DOCK3: variants seen among roughly 807,000 people sequenced by gnomAD.
DOCK3 encodes dedicator of cytokinesis protein 3.
Under a neutral mutation model 265.6 loss-of-function variants are expected in DOCK3, and 60 were observed. The ratio of observed to expected loss-of-function variants is 0.23; its 90% CI spans 0.18 to 0.28. The LOEUF is 0.28. Among genes scored for constraint, DOCK3 ranks in the 10% least tolerant of loss-of-function variants. The pLI is 1.00. For synonymous variants in DOCK3, 881 were observed against 938.0 expected, an observed-to-expected ratio of 0.94 and a Z score of 1.11; for missense variants, 1,981 against 2,594.3, an observed-to-expected ratio of 0.76 and a Z score of 5.14.
intron 5 of DOCK3, among the ~76,000 whole-genome samples, chr3:51,033,385 C>T (rs937137746): frequency 1.3e-5 from 2 of 152,218 alleles, no homozygotes; most frequent in South Asian, 4.1e-4. Context: ...TTTAGTCTTA[C>T]TTGGTCCCCT....
chr3:50,995,725 A>G (rs1297450412), intron 5 of DOCK3, among the ~76,000 whole-genome samples: 1 of 152,200 alleles, frequency 6.6e-6, no homozygotes, highest in Non-Finnish European at 1.5e-5. Flanking sequence ...AATTACATCT[A>G]TAAGATTGAA....
In DOCK3 at chr3:51,374,717, G is replaced by A; in HGVS notation, c.5412+130G>A. Reference sequence around the variant, plus strand: ...ATTCCGCTGTAAGATCCCGCAAAAGGCCGCTGGGCTTCTGGATGTGGAGTG... The same window carrying A: ...ATTCCGCTGTAAGATCCCGCAAAAGACCGCTGGGCTTCTGGATGTGGAGTG... On this transcript the variant is annotated intron_variant, in intron 50 of 52. Transcript: ENST00000266037. The surrounding 1 kb of genome is among the most constrained non-coding windows in gnomAD (Gnocchi z 4.8). 3 of 880,950 alleles carry A rather than the reference G, an allele frequency of 3.4e-6. No individual in the cohort carries two copies. The highest frequency in any genetic ancestry group is 5.3e-6 in the Non-Finnish European group (3 of 566,470). 54.6% of individuals were successfully genotyped at this position (880,950 alleles called of 1,614,324 possible). A position where few individuals can be genotyped will look rare whatever the true frequency, so the allele number is the denominator to read the frequency against.
intron 5 of DOCK3, among the ~76,000 whole-genome samples, chr3:50,963,033 A>G (rs1233063635): frequency 6.6e-6 from 1 of 152,102 alleles, no homozygotes; most frequent in Non-Finnish European, 1.5e-5. Flanking sequence ...CTAAATATAA[A>G]AATTAGCCGG....
At chr3:50,801,505 A>T (rs1446841040) in intron 2 of DOCK3, among the ~76,000 whole-genome samples, 1 of 152,194 alleles carries the variant, frequency 6.6e-6, no homozygotes, top group Non-Finnish European at 1.5e-5. Flanking sequence ...GTTAAGTTTA[A>T]AAGTAGAAGG....
At chr3:51,210,484 AC>A (rs965835482) in intron 13 of DOCK3, among the ~76,000 whole-genome samples, 1 of 152,052 alleles carries the variant, frequency 6.6e-6, no homozygotes, top group Non-Finnish European at 1.5e-5. Context: ...ACCTGTTTCA[AC>A]CCCCTCGTTA....
At chr3:51,046,078 A>G (rs1418290060) in intron 5 of DOCK3, among the ~76,000 whole-genome samples, 1 of 152,118 alleles carries the variant, frequency 6.6e-6, no homozygotes, top group African/African-American at 2.4e-5. Flanking sequence ...AACCACAAAG[A>G]AAAAAACCTG....
intron 5 of DOCK3, among the ~76,000 whole-genome samples, chr3:50,979,885 G>T (rs968883397): frequency 6.6e-6 from 1 of 152,106 alleles, no homozygotes; most frequent in African/African-American, 2.4e-5. Flanking sequence ...TATATGTAAG[G>T]TTATGTCATC....
Position 51,082,301 on chromosome 3 carries a change from G to A in DOCK3, c.549+6861G>A, listed in dbSNP as rs372679766. Reference sequence around the variant, plus strand: ...TTCTACCCTTGGGTCCAACACACCCGAATCTCCACACCCCTGGAGCCCTGC... The same window carrying A: ...TTCTACCCTTGGGTCCAACACACCCAAATCTCCACACCCCTGGAGCCCTGC... On this transcript the variant is annotated intron_variant, in intron 7 of 52. Coordinates refer to ENST00000266037, the MANE Select transcript of DOCK3 (RefSeq NM_004947.5). Among the ~76,000 whole-genome samples, 77 of 151,766 alleles carry A rather than the reference G, an allele frequency of 5.1e-4. 1 individual carries two copies. Among genetic ancestry groups the A allele is most frequent in the African/African-American group, 1.7e-3 (72 of 41,348 alleles).
chr3:51,320,089 G>A (rs1189481653), intron 32 of DOCK3, among the ~76,000 whole-genome samples: 12 of 152,118 alleles, frequency 7.9e-5, no homozygotes, highest in Admixed American at 3.9e-4. Context: ...CACAGAAGGC[G>A]GGTGATTCCT....
intron 5 of DOCK3, among the ~76,000 whole-genome samples, chr3:51,042,447 C>A (rs1449920156): frequency 1.3e-5 from 2 of 152,042 alleles, no homozygotes; most frequent in Non-Finnish European, 2.9e-5. Context: ...AATAATAAGA[C>A]CTATATATGA....
chr3:51,312,034 C>T lies in DOCK3; in HGVS notation c.3048C>T (p.Ser1016=), dbSNP rs1336443164. 2.5e-6 allele frequency: 4 copies of T among 1,606,728 alleles called. No individual in the cohort carries two copies. The highest frequency in any genetic ancestry group is 2.2e-5 in the South Asian group (2 of 89,354). Reference sequence around the variant, plus strand: ...TAGTCACTACTGTCCAGTACCTGTCCTCTGCACTGCACAAGAATTTCACAG... The same window carrying T: ...TAGTCACTACTGTCCAGTACCTGTCTTCTGCACTGCACAAGAATTTCACAG... ...NIIVTTVQYL[S]SALHKNFTET... is the part of the protein sequence containing the mutation. The change falls in exon 29 of 53, where the codon TCC becomes TCT. Residue 1016 remains serine, a synonymous_variant. Transcript: ENST00000266037.
chr3:51,195,361 C>A (rs1217440861), intron 12 of DOCK3, among the ~76,000 whole-genome samples: 1 of 151,910 alleles, frequency 6.6e-6, no homozygotes, highest in Non-Finnish European at 1.5e-5. Context: ...CATTTGAGTT[C>A]TTTCTCTGTG....
At chr3:50,707,604 G>GTGGGGA (rs2036498091) in intron 1 of DOCK3, among the ~76,000 whole-genome samples, 1 of 152,180 alleles carries the variant, frequency 6.6e-6, no homozygotes, top group Non-Finnish European at 1.5e-5. Context: ...TGAGTCTTTG[G>GTGGGGA]TGGGGATGGG....
chr3:51,237,875 A>G (rs1304339269), intron 21 of DOCK3, among the ~76,000 whole-genome samples: 1 of 152,068 alleles, frequency 6.6e-6, no homozygotes, highest in East Asian at 1.9e-4. Context: ...TATTGTAATC[A>G]TTAAAAATAA....
chr3:51,371,929 T>C (rs1052505698), intron 49 of DOCK3, among the ~76,000 whole-genome samples: 2 of 152,178 alleles, frequency 1.3e-5, no homozygotes, highest in Non-Finnish European at 2.9e-5. Context: ...AATCACATGC[T>C]TGGTGTGGAA....
intron 1 of DOCK3, among the ~76,000 whole-genome samples, chr3:50,694,547 G>C (rs1267441085): frequency 1.3e-5 from 2 of 152,230 alleles, no homozygotes; most frequent in Admixed American, 1.3e-4. Context: ...AGTGGCTCAC[G>C]CCTGTAATCC....
At chr3:50,874,528 A>C (rs1311775537) in intron 3 of DOCK3, among the ~76,000 whole-genome samples, 2 of 123,710 alleles carry the variant, frequency 1.6e-5, no homozygotes, top group Non-Finnish European at 3.9e-5. Context: ...GAAAAAAAAA[A>C]ACAAAAAAAG....
chr3:51,224,784 C>T (rs1331242530), intron 14 of DOCK3, among the ~76,000 whole-genome samples: 1 of 151,896 alleles, frequency 6.6e-6, no homozygotes, highest in Non-Finnish European at 1.5e-5. Flanking sequence ...GTGAATAAAA[C>T]TGGTCATGTT....
intron 1 of DOCK3, among the ~76,000 whole-genome samples, chr3:50,763,520 T>G (rs1474549579): frequency 6.6e-6 from 1 of 152,086 alleles, no homozygotes; most frequent in African/African-American, 2.4e-5. Context: ...TGACCTCAGG[T>G]GATCCACCTG....
Sources: gnomAD v4.1 joint callset for allele counts (sites outside exome capture counted in the v4.1 genomes callset) on GRCh38, gnomAD v4.1.1 for gene constraint, Gnocchi (gnomAD v3.1) non-coding constraint, MANE v1.5 for transcripts, NCBI Gene and HGNC (gene_info 2026-07-23, HGNC 2026-07-21) for gene names.